CNTN5: variants seen among roughly 807,000 people sequenced by gnomAD.
CNTN5 encodes the protein contactin-5.
CNTN5 carries 77 observed loss-of-function variants against 129.1 expected under a neutral mutation model. The ratio of observed to expected loss-of-function variants is 0.60; its 90% CI spans 0.50 to 0.72. CNTN5 has a LOEUF of 0.72. Among genes scored for constraint, CNTN5 ranks in the 30% least tolerant of loss-of-function variants. The probability of loss-of-function intolerance (pLI) is 0.00; values close to 1 mark genes in which losing one functional copy is unlikely to be tolerated. For missense variants in CNTN5, 1,478 were observed against 1,328.8 expected, an observed-to-expected ratio of 1.11 and a Z score of -1.75; for synonymous variants, 509 against 465.6, an observed-to-expected ratio of 1.09 and a Z score of -1.20.
chr11:100,272,770 G>A (rs552426462), intron 18 of CNTN5, among the ~76,000 whole-genome samples: 14 of 152,246 alleles, frequency 9.2e-5, no homozygotes, highest in African/African-American at 3.4e-4. Context: ...GGGGGAATTG[G>A]TGAGTTGAAC....
At chr11:100,140,271 G>A (rs192035801) in intron 13 of CNTN5, among the ~76,000 whole-genome samples, 1 of 152,276 alleles carries the variant, frequency 6.6e-6, no homozygotes, top group African/African-American at 2.4e-5. Flanking sequence ...CTCCAGCTGT[G>A]TTTAACTGTA....
intron 1 of CNTN5, among the ~76,000 whole-genome samples, chr11:99,173,249 T>A (rs968861337): frequency 1.3e-5 from 2 of 152,168 alleles, no homozygotes; most frequent in African/African-American, 4.8e-5. Flanking sequence ...ATAAGAGGAC[T>A]TTTTAAGTGG....
At chr11:99,348,448 T>A (rs1199900199) in intron 2 of CNTN5, among the ~76,000 whole-genome samples, 2 of 152,210 alleles carry the variant, frequency 1.3e-5, no homozygotes, top group Non-Finnish European at 2.9e-5. Flanking sequence ...GTAGTTATGA[T>A]ATTTTTGATT....
At chr11:99,034,046 G>A (rs1275822006) in intron 1 of CNTN5, among the ~76,000 whole-genome samples, 3 of 151,958 alleles carry the variant, frequency 2.0e-5, no homozygotes, top group African/African-American at 4.8e-5. Flanking sequence ...TTTGTCTTTG[G>A]TTCTGTTTAT....
At chr11:99,252,130 T>C (rs544616272) in intron 1 of CNTN5, among the ~76,000 whole-genome samples, 5 of 152,172 alleles carry the variant, frequency 3.3e-5, no homozygotes, top group African/African-American at 1.2e-4. Context: ...TTACTTTTGT[T>C]ACCTTGCACT....
chr11:99,685,382 T>C (rs976879129), intron 3 of CNTN5, among the ~76,000 whole-genome samples: 2 of 151,892 alleles, frequency 1.3e-5, no homozygotes, highest in Non-Finnish European at 1.5e-5. Flanking sequence ...ACTTAGGTCA[T>C]ATTGTTGAAA....
At chr11:99,724,501 C>A (rs1266477446) in intron 3 of CNTN5, among the ~76,000 whole-genome samples, 1 of 152,242 alleles carries the variant, frequency 6.6e-6, no homozygotes, top group East Asian at 1.9e-4. Context: ...TTGTTCTAAG[C>A]CATTACATAT....
At chr11:99,216,950 C>T (rs908284734) in intron 1 of CNTN5, among the ~76,000 whole-genome samples, 5 of 151,928 alleles carry the variant, frequency 3.3e-5, no homozygotes, top group South Asian at 2.1e-4. Context: ...TTTGGGAGGC[C>T]GAGGCAGGCA....
intron 1 of CNTN5, among the ~76,000 whole-genome samples, chr11:99,296,376 A>C (rs1202697587): frequency 1.3e-5 from 2 of 152,198 alleles, no homozygotes; most frequent in East Asian, 3.9e-4. Flanking sequence ...CAGAAGATCC[A>C]ATCTTCAGGT....
intron 2 of CNTN5, among the ~76,000 whole-genome samples, chr11:99,368,163 T>C (rs1939575121): frequency 1.3e-5 from 2 of 152,112 alleles, no homozygotes; most frequent in African/African-American, 4.8e-5. Context: ...CTAATTAAAT[T>C]TGTTTTCTTC....
At chr11:99,934,495 A>C (rs1216655622) in intron 7 of CNTN5, among the ~76,000 whole-genome samples, 1 of 152,216 alleles carries the variant, frequency 6.6e-6, no homozygotes, top group African/African-American at 2.4e-5. Context: ...TGTCTCATAT[A>C]AACATTTTCT....
At chr11:99,038,051 A>T (rs1863829752) in intron 1 of CNTN5, among the ~76,000 whole-genome samples, 1 of 152,166 alleles carries the variant, frequency 6.6e-6, no homozygotes, top group Non-Finnish European at 1.5e-5. Context: ...TGCTCTAAAT[A>T]ATATAATGCT....
intron 6 of CNTN5, among the ~76,000 whole-genome samples, chr11:99,900,006 C>T (rs1243605514): frequency 2.0e-5 from 3 of 151,864 alleles, no homozygotes; most frequent in Non-Finnish European, 4.4e-5. Flanking sequence ...TCTAGGTGTT[C>T]TAGCTTGCGT....
At chr11:100,091,978 T>C (rs1407755839) in intron 13 of CNTN5, among the ~76,000 whole-genome samples, 2 of 152,114 alleles carry the variant, frequency 1.3e-5, no homozygotes, top group African/African-American at 4.8e-5. Flanking sequence ...TTAAGGATAT[T>C]ATGAGGAATG....
intron 3 of CNTN5, among the ~76,000 whole-genome samples, chr11:99,815,086 C>T (rs1244163354): frequency 1.3e-5 from 2 of 152,066 alleles, no homozygotes; most frequent in Non-Finnish European, 2.9e-5. Flanking sequence ...TGCCTTCACA[C>T]CTGGGGATTA....
chr11:99,690,771 A>G (rs1441992794), intron 3 of CNTN5, among the ~76,000 whole-genome samples: 1 of 152,104 alleles, frequency 6.6e-6, no homozygotes, highest in Non-Finnish European at 1.5e-5. Flanking sequence ...TGATGGCCTC[A>G]TAGAACGAGT....
At chr11:99,518,037 A>G (rs1316586193) in intron 2 of CNTN5, among the ~76,000 whole-genome samples, 2 of 152,106 alleles carry the variant, frequency 1.3e-5, no homozygotes, top group Non-Finnish European at 2.9e-5. Flanking sequence ...AAAAGAATCA[A>G]TTCAGGGTAT....
At chr11:99,292,225 A>AATATATAT (rs373871554) in intron 1 of CNTN5, among the ~76,000 whole-genome samples, 4 of 148,468 alleles carry the variant, frequency 2.7e-5, no homozygotes, top group African/African-American at 9.9e-5. Context: ...ATAAATAGAA[A>AATATATAT]ATATATATAT....
At chr11:99,967,422 TC>T (rs1951124096) in intron 8 of CNTN5, among the ~76,000 whole-genome samples, 1 of 152,150 alleles carries the variant, frequency 6.6e-6, no homozygotes, top group Admixed American at 6.6e-5. Context: ...AACGTAACTA[TC>T]CTTGTGTAGC....
Sources: allele counts gnomAD v4.1 joint callset (sites outside exome capture counted in the v4.1 genomes callset), GRCh38; gene constraint gnomAD v4.1.1; transcripts MANE v1.5; gene names NCBI Gene and HGNC (gene_info 2026-07-23, HGNC 2026-07-21).